Variants in MACROD2 observed in about 807,000 individuals in gnomAD.
MACROD2 encodes the protein ADP-ribose glycohydrolase MACROD2.
In MACROD2, 36 loss-of-function variants were observed where a neutral mutation model predicts 70.4. The observed-to-expected ratio is 0.51, with a 90% confidence interval of 0.39 to 0.68. The LOEUF is 0.68. MACROD2 is among the 30% of genes least tolerant of loss of function. The pLI, the probability that MACROD2 is intolerant of heterozygous loss-of-function variation, is 0.00. For missense variants in MACROD2, 496 were observed against 538.4 expected (o/e 0.92, Z 0.78); for synonymous variants, 172 against 178.8 (o/e 0.96, Z 0.30).
rs192373997 is a variant in MACROD2 at position 14,992,845 on chromosome 20, A to G, written c.419-237095A>G. On this transcript the variant is annotated intron_variant, in intron 5 of 17. Coordinates refer to ENST00000684519, the MANE Select transcript of MACROD2 (RefSeq NM_001351661.2). Reference sequence around the variant, plus strand: ...AAAGCCTTTTTGCCTATGATGTTTTAGAGATAATACTGCTGGAAAGCAAGA... The same window carrying G: ...AAAGCCTTTTTGCCTATGATGTTTTGGAGATAATACTGCTGGAAAGCAAGA... 2.9e-3 allele frequency among the ~76,000 whole-genome samples: 430 copies of G among 150,728 alleles called. 1 individual carries two copies. The highest frequency in any genetic ancestry group is 5.3e-3 in the Non-Finnish European group (359 of 67,992).
At chr20:15,821,323 C>T (rs907540207) in intron 8 of MACROD2, among the ~76,000 whole-genome samples, 102 of 151,818 alleles carry the variant, frequency 6.7e-4, no homozygotes, top group African/African-American at 2.3e-3. Flanking sequence ...TCCCTCACTC[C>T]GCAGGACATA....
chr20:15,944,837 T>C (rs2065799083), intron 12 of MACROD2, among the ~76,000 whole-genome samples: 1 of 152,224 alleles, frequency 6.6e-6, no homozygotes, highest in Admixed American at 6.5e-5. Context: ...ATTCTCATTT[T>C]GGAGACTATC....
chr20:14,905,519 A>C (rs1010137034), intron 5 of MACROD2: 2 of 152,122 alleles, frequency 1.3e-5, no homozygotes, highest in African/African-American at 4.8e-5. Flanking sequence ...TATGCCCTTG[A>C]ACATTTTACT....
intron 8 of MACROD2, among the ~76,000 whole-genome samples, chr20:15,823,913 A>G (rs1490408286): frequency 6.6e-6 from 1 of 152,230 alleles, no homozygotes; most frequent in Non-Finnish European, 1.5e-5. Context: ...TTTACAGGCC[A>G]ATTGTGAAGC....
At chr20:15,160,204 A>G (rs2076338631) in intron 5 of MACROD2, among the ~76,000 whole-genome samples, 1 of 152,000 alleles carries the variant, frequency 6.6e-6, no homozygotes, top group South Asian at 2.1e-4. Context: ...GGCTCTTACA[A>G]TTATCCAGGA....
At chr20:15,703,582 A>T (rs1379396755) in intron 8 of MACROD2, among the ~76,000 whole-genome samples, 1 of 152,266 alleles carries the variant, frequency 6.6e-6, no homozygotes. Flanking sequence ...GATTATCTCA[A>T]AATTGTGTTC....
chr20:14,315,976 A>G (rs918569287), intron 3 of MACROD2, among the ~76,000 whole-genome samples: 1 of 152,206 alleles, frequency 6.6e-6, no homozygotes, highest in Non-Finnish European at 1.5e-5. Flanking sequence ...GATTATTGAA[A>G]AACACAAAAT....
chr20:15,226,031 C>T lies in MACROD2; in HGVS notation c.419-3909C>T, dbSNP rs183034471. 3.3e-5 allele frequency among the ~76,000 whole-genome samples: 5 copies of T among 152,250 alleles called. No individual in the cohort carries two copies. In the East Asian group the frequency reaches 9.6e-4, roughly 29 times the overall value. ...GGAAACGTGAACCATGATTGATGCT[C>T]ATTTATCTGGACAAAAATGAATTAA... On this transcript the variant is annotated intron_variant, in intron 5 of 17. Coordinates refer to ENST00000684519, the MANE Select transcript of MACROD2 (RefSeq NM_001351661.2).
chr20:14,204,482 ATG>A (rs11467707), intron 3 of MACROD2, among the ~76,000 whole-genome samples: 141,922 of 152,046 alleles, frequency 0.93, 66,371 homozygotes, highest in East Asian at 0.99. Context: ...CTGTCTGGGT[ATG>A]TGTGTGTGAC....
In MACROD2 at chr20:14,923,081, A is replaced by G. The variant is rs113703472; in HGVS notation, c.418+238122A>G. Reference sequence around the variant, plus strand: ...CATCATTCTCAATTGCCAGCGGTCAATTCTCTCCAGACACAGTTGATCGCT... The same window carrying G: ...CATCATTCTCAATTGCCAGCGGTCAGTTCTCTCCAGACACAGTTGATCGCT... On this transcript the variant is annotated intron_variant, in intron 5 of 17. Coordinates refer to ENST00000684519, the MANE Select transcript of MACROD2 (RefSeq NM_001351661.2). 2.1e-3 allele frequency among the ~76,000 whole-genome samples: 317 copies of G among 152,264 alleles called. 1 individual carries two copies. Among genetic ancestry groups the G allele is most frequent in the African/African-American group, 7.2e-3 (298 of 41,572 alleles).
chr20:15,249,053 C>T (rs1476113735), intron 6 of MACROD2, among the ~76,000 whole-genome samples: 1 of 152,194 alleles, frequency 6.6e-6, no homozygotes, highest in Non-Finnish European at 1.5e-5. Context: ...CACAGTTTAG[C>T]TGGGGAGCTT....
At chr20:15,271,312 C>T (rs777656998) in intron 6 of MACROD2, among the ~76,000 whole-genome samples, 1 of 152,084 alleles carries the variant, frequency 6.6e-6, no homozygotes, top group Non-Finnish European at 1.5e-5. Context: ...TTTAGAAGGG[C>T]GCTAATCCCA....
At chr20:14,974,523 A>C (rs1205729543) in intron 5 of MACROD2, among the ~76,000 whole-genome samples, 1 of 152,136 alleles carries the variant, frequency 6.6e-6, no homozygotes, top group Non-Finnish European at 1.5e-5. Flanking sequence ...ATCCTAGTGC[A>C]GTATCTGGGC....
At chr20:15,153,644 A>T (rs1382901825) in intron 5 of MACROD2, among the ~76,000 whole-genome samples, 1 of 152,214 alleles carries the variant, frequency 6.6e-6, no homozygotes, top group African/African-American at 2.4e-5. Flanking sequence ...TGAATGAATG[A>T]AGCCAGATAT....
At chr20:14,834,522 G>A (rs1271176968) in intron 5 of MACROD2, among the ~76,000 whole-genome samples, 1 of 151,838 alleles carries the variant, frequency 6.6e-6, no homozygotes, top group Non-Finnish European at 1.5e-5. Context: ...AAAATTCGAA[G>A]GGACCCATTA....
chr20:14,079,588 C>T (rs2053962777), intron 2 of MACROD2, among the ~76,000 whole-genome samples: 1 of 152,124 alleles, frequency 6.6e-6, no homozygotes, highest in Non-Finnish European at 1.5e-5. Flanking sequence ...AATTCAGAAA[C>T]ACTTACTGAG....
At chr20:15,183,094 C>A (rs1007389801) in intron 5 of MACROD2, among the ~76,000 whole-genome samples, 4 of 152,154 alleles carry the variant, frequency 2.6e-5, no homozygotes, top group African/African-American at 9.7e-5. Context: ...CCTTTATTAG[C>A]CCACATGGAA....
intron 8 of MACROD2, among the ~76,000 whole-genome samples, chr20:15,584,627 T>C (rs1442604818): frequency 6.6e-6 from 1 of 152,240 alleles, no homozygotes; most frequent in African/African-American, 2.4e-5. Context: ...CAGCCACTAA[T>C]GAACAGCGTC....
intron 5 of MACROD2, among the ~76,000 whole-genome samples, chr20:14,942,843 T>A (rs928780417): frequency 6.6e-6 from 1 of 152,222 alleles, no homozygotes; most frequent in African/African-American, 2.4e-5. Flanking sequence ...TGCCTTGCTT[T>A]ATCTTTCCAC....
Sources: gnomAD v4.1 joint callset for allele counts (sites outside exome capture counted in the v4.1 genomes callset) on GRCh38, gnomAD v4.1.1 for gene constraint, MANE v1.5 for transcripts, NCBI Gene and HGNC (gene_info 2026-07-23, HGNC 2026-07-21) for gene names.